The following LOXHD1 variants were observed in gnomAD, a reference collection of about 807,000 sequenced individuals.
LOXHD1 encodes lipoxygenase homology domain-containing protein 1.
Under a neutral mutation model 248.2 loss-of-function variants are expected in LOXHD1, and 205 were observed. The observed-to-expected ratio is 0.83, with a 90% CI of 0.74 to 0.93. The LOEUF (loss-of-function observed/expected upper bound fraction) is 0.93, where lower values mean the gene tolerates loss of function less well. Among genes scored for constraint, LOXHD1 ranks in the 40% least tolerant of loss-of-function variants. The pLI is 0.00. For synonymous variants in LOXHD1, 1,113 were observed against 1,162.8 expected (o/e 0.96, Z 0.87); for missense variants, 2,930 against 2,971.6 (o/e 0.99, Z 0.33).
At chr18:46,618,664 C>A (rs1285063767) in intron 4 of LOXHD1, among the ~76,000 whole-genome samples, 1 of 152,200 alleles carries the variant, frequency 6.6e-6, no homozygotes, top group Non-Finnish European at 1.5e-5. Context: ...CCACCCTGAA[C>A]CAACCTCCAC....
intron 6 of LOXHD1, among the ~76,000 whole-genome samples, chr18:46,605,941 C>A (rs1402705185): frequency 6.6e-6 from 1 of 152,118 alleles, no homozygotes; most frequent in Non-Finnish European, 1.5e-5. Flanking sequence ...GAATCAAAGA[C>A]AGAGAAGATC....
At chr18:46,564,038 A>G (rs1485049955) in intron 17 of LOXHD1, among the ~76,000 whole-genome samples, 1 of 151,990 alleles carries the variant, frequency 6.6e-6, no homozygotes, top group Non-Finnish European at 1.5e-5. Context: ...ATAATAATAT[A>G]AAAATTGAAC....
rs876657862 is a variant in LOXHD1 at position 46,656,943 on chromosome 18, C to G, written c.91G>C (p.Asp31His). Residue 31 changes from aspartate (D) to histidine (H), a missense_variant, in exon 1 of 41, where the codon GAC becomes CAC. Physicochemically the swap from Asp to His is moderately conservative, Grantham distance 81. Transcript: ENST00000642948. The part of the protein sequence containing the change: ...AELLNYASED[D>H]EGELEHEYYK... ...TACTCGTGTTCCAGCTCCCCCTCGT[C>G]GTCCTCCGAGGCGTAGTTCAGCAGC... 3.2e-5 allele frequency: 50 copies of G among 1,551,510 alleles called. No homozygotes were observed. The highest frequency in any genetic ancestry group is 4.2e-5 in the Non-Finnish European group (48 of 1,146,938).
chr18:46,650,981 G>A (rs1416095919), intron 1 of LOXHD1, among the ~76,000 whole-genome samples: 1 of 152,252 alleles, frequency 6.6e-6, no homozygotes, highest in African/African-American at 2.4e-5. Flanking sequence ...TGTATGAAAA[G>A]CCTCTGGCAC....
chr18:46,489,023 G>A lies in LOXHD1; in HGVS notation c.5998C>T (p.Arg2000Cys), dbSNP rs755406866. 24 of 1,551,518 alleles carry A rather than the reference G, an allele frequency of 1.5e-5. No individual in the cohort carries two copies. The highest frequency in any genetic ancestry group is 1.5e-4 in the East Asian group (6 of 40,924). The change falls in exon 38 of 41, where the codon CGC becomes TGC. Residue 2000 changes from arginine (R) to cysteine (C), a missense_variant. Arg to Cys is a radical substitution (Grantham distance 180). Transcript: ENST00000642948. ...TTGTTGTTGGCACAGGCAAAGTCGC[G>A]GACCGTCTGCCCGTCACCCTCACTC... ...SKSEGDGQTV[R>C]DFACANNKIC...
At chr18:46,625,791 G>A (rs2038733647) in intron 4 of LOXHD1, among the ~76,000 whole-genome samples, 1 of 152,130 alleles carries the variant, frequency 6.6e-6, no homozygotes, top group Non-Finnish European at 1.5e-5. Flanking sequence ...CAGCCCTGAA[G>A]AGCTATTTCT....
At position 46,485,012 on chromosome 18, in the gene LOXHD1, T is replaced by C; in HGVS notation, c.6182+7A>G. On this transcript the variant is annotated splice_region_variant and intron_variant, in intron 39 of 40. Transcript: ENST00000642948. ...CCCACCACTTCCCATGGGCCTCCCC[T>C]TCCTACTTCCTAAAGGCCCGCTGCC... 3 of 1,463,758 alleles carry C rather than the reference T, an allele frequency of 2.0e-6. No homozygotes were observed. Among genetic ancestry groups the C allele is most frequent in the Non-Finnish European group, 2.8e-6 (3 of 1,072,566 alleles). 90.7% of individuals were successfully genotyped at this position (1,463,758 alleles called of 1,614,324 possible). A position where few individuals can be genotyped will look rare whatever the true frequency, so the allele number is the denominator to read the frequency against.
chr18:46,610,406 G>T (rs1393311901), intron 6 of LOXHD1, among the ~76,000 whole-genome samples: 1 of 151,698 alleles, frequency 6.6e-6, no homozygotes, highest in African/African-American at 2.4e-5. Context: ...GTCGGGGGCT[G>T]GGGGGCTGGG....
chr18:46,505,830 G>A lies in LOXHD1; in HGVS notation c.5878+8C>T, dbSNP rs2034529524. On this transcript the variant is annotated splice_region_variant and intron_variant, in intron 37 of 40. Coordinates refer to ENST00000642948, the MANE Select transcript of LOXHD1 (RefSeq NM_001384474.1). ...CCTCCCACCAACCTGGCCTTGAGTG[G>A]GAGCTACCTTTGTTGTCGTGCCAGA... The A allele has an allele frequency of 6.4e-7, 1 of 1,551,574 alleles. No homozygotes were observed. Among genetic ancestry groups the A allele is most frequent in the Middle Eastern group, 1.7e-4 (1 of 5,990 alleles).
At chr18:46,578,994 G>A (rs2037910716) in intron 13 of LOXHD1, among the ~76,000 whole-genome samples, 1 of 152,246 alleles carries the variant, frequency 6.6e-6, no homozygotes, top group Admixed American at 6.5e-5. Flanking sequence ...CCATGTGATG[G>A]CTGGGGAAAC....
chr18:46,494,490 G>A (rs1273815731), intron 37 of LOXHD1, among the ~76,000 whole-genome samples: 1 of 152,160 alleles, frequency 6.6e-6, no homozygotes, highest in South Asian at 2.1e-4. Context: ...ATAATAAATG[G>A]TTTGAAGTAA....
At chr18:46,557,224 T>G (rs949020596) in intron 21 of LOXHD1, 132 bp downstream of exon 21, 19 of 1,047,638 alleles carry the variant, frequency 1.8e-5, no homozygotes, top group Non-Finnish European at 2.5e-5. Flanking sequence ...CACCCTTAGG[T>G]GTCACCCAGC....
chr18:46,562,420 A>C (rs930666637), intron 18 of LOXHD1, among the ~76,000 whole-genome samples: 16 of 152,174 alleles, frequency 1.1e-4, no homozygotes, highest in African/African-American at 3.6e-4. Flanking sequence ...TGTTTCTCCT[A>C]AGGGGCGCCA....
chr18:46,625,093 GGTGCAGCCTA>G (rs1197040526), intron 4 of LOXHD1, among the ~76,000 whole-genome samples: 2 of 152,118 alleles, frequency 1.3e-5, no homozygotes, highest in African/African-American at 4.8e-5. Context: ...AATTAGAAAG[GGTGCAGCCTA>G]GATTTGGACT....
chr18:46,529,532 G>A (rs1380126763), intron 28 of LOXHD1, among the ~76,000 whole-genome samples: 1 of 152,182 alleles, frequency 6.6e-6, no homozygotes, highest in Non-Finnish European at 1.5e-5. Flanking sequence ...GTGCTCATCT[G>A]ATCTAGACCC....
At chr18:46,626,721 G>A (rs1458793046) in intron 4 of LOXHD1, among the ~76,000 whole-genome samples, 1 of 151,912 alleles carries the variant, frequency 6.6e-6, no homozygotes, top group Non-Finnish European at 1.5e-5. Flanking sequence ...TGTTAACAGG[G>A]GTGTCTCCAA....
intron 40 of LOXHD1, 26 bp downstream of exon 40, chr18:46,483,561 T>C: frequency 6.4e-7 from 1 of 1,551,306 alleles, no homozygotes; most frequent in Non-Finnish European, 8.7e-7. Flanking sequence ...GAGTGGCACT[T>C]CCTTGGGGAG....
chr18:46,481,540 G>A (rs1345558449), intron 40 of LOXHD1, among the ~76,000 whole-genome samples: 1 of 152,208 alleles, frequency 6.6e-6, no homozygotes. Flanking sequence ...AGGGCAGCGT[G>A]AAGCACAAGG....
chr18:46,477,309 A>G lies in LOXHD1; in HGVS notation c.*163T>C. 1.1e-6 allele frequency: 1 copy of G among 933,860 alleles called. No homozygotes were observed. The highest frequency in any genetic ancestry group is 1.7e-6 in the Non-Finnish European group (1 of 586,132). 57.8% of individuals were successfully genotyped at this position (933,860 alleles called of 1,614,324 possible). Reference sequence around the variant, plus strand: ...GCTAATTATTATCACTGTAGGTTCAATAAACTGGGGGTAGGGTGGGGAGCA... The same window carrying G: ...GCTAATTATTATCACTGTAGGTTCAGTAAACTGGGGGTAGGGTGGGGAGCA... On this transcript the variant is annotated 3_prime_UTR_variant, in exon 41 of 41. Coordinates refer to ENST00000642948, the MANE Select transcript of LOXHD1 (RefSeq NM_001384474.1).
Sources: allele counts gnomAD v4.1 joint callset (sites outside exome capture counted in the v4.1 genomes callset), GRCh38; gene constraint gnomAD v4.1.1; transcripts MANE v1.5; gene names NCBI Gene and HGNC (gene_info 2026-07-23, HGNC 2026-07-21).